The following NRG1 variants were observed in gnomAD, a reference collection of about 807,000 sequenced individuals.
NRG1 encodes neuregulin 1, also known as pro-neuregulin-1, membrane-bound isoform.
In NRG1, 18 loss-of-function variants were observed where a neutral mutation model predicts 63.8. The ratio of observed to expected loss-of-function variants is 0.28; its 90% confidence interval spans 0.19 to 0.42. NRG1 has a LOEUF of 0.42. Among genes scored for constraint, NRG1 ranks in the 10% least tolerant of loss-of-function variants. The pLI is 1.00. For synonymous variants in NRG1, 302 were observed against 301.3 expected, an observed-to-expected ratio of 1.00 and a Z score of -0.02; for missense variants, 762 against 814.7, an observed-to-expected ratio of 0.94 and a Z score of 0.79.
intron 1 of NRG1, among the ~76,000 whole-genome samples, chr8:32,048,163 A>C (rs1821315011): frequency 6.6e-6 from 1 of 151,696 alleles, no homozygotes; most frequent in Admixed American, 6.6e-5. Context: ...ATGGACACTG[A>C]GGTTAATGTC....
chr8:32,741,894 C>T, intron 6 of NRG1, 114 bp from the exon 7 acceptor site: 1 of 724,872 alleles, frequency 1.4e-6, no homozygotes, highest in Non-Finnish European at 2.4e-6. Context: ...CTTTATATTG[C>T]TTGGTACCAG....
chr8:31,852,834 C>G (rs977418750), intron 1 of NRG1, among the ~76,000 whole-genome samples: 8 of 152,144 alleles, frequency 5.3e-5, no homozygotes, highest in Non-Finnish European at 1.2e-4. Context: ...ATATGGCTAG[C>G]CAGTTTTCCC....
At chr8:32,585,287 A>G (rs940071082) in intron 1 of NRG1, among the ~76,000 whole-genome samples, 1 of 152,194 alleles carries the variant, frequency 6.6e-6, no homozygotes, top group Admixed American at 6.5e-5. Flanking sequence ...TCAATTAGGT[A>G]AAACTGTACT....
chr8:32,386,254 A>G (rs1396908184), intron 1 of NRG1, among the ~76,000 whole-genome samples: 1 of 152,212 alleles, frequency 6.6e-6, no homozygotes, highest in Non-Finnish European at 1.5e-5. Context: ...TGCATGTGCC[A>G]CCACATCTGG....
intron 1 of NRG1, among the ~76,000 whole-genome samples, chr8:31,719,540 G>C (rs969764265): frequency 1.7e-4 from 26 of 152,190 alleles, no homozygotes; most frequent in Admixed American, 9.8e-4. Flanking sequence ...GAGCTTTGTT[G>C]GTCAATTCTG....
At chr8:31,932,095 C>G (rs555922467) in intron 1 of NRG1, among the ~76,000 whole-genome samples, 87 of 151,990 alleles carry the variant, frequency 5.7e-4, no homozygotes, top group African/African-American at 2.0e-3. Context: ...AACAGCCCCC[C>G]ACCCACTCAA....
At chr8:31,907,062 G>A (rs1179864270) in intron 1 of NRG1, among the ~76,000 whole-genome samples, 2 of 152,128 alleles carry the variant, frequency 1.3e-5, no homozygotes, top group Non-Finnish European at 2.9e-5. Context: ...TATATGCAAA[G>A]TATTTGCGGT....
intron 1 of NRG1, among the ~76,000 whole-genome samples, chr8:32,419,106 T>G (rs558178742): frequency 6.6e-6 from 1 of 152,214 alleles, no homozygotes; most frequent in Non-Finnish European, 1.5e-5. Flanking sequence ...ACTTGAGAGA[T>G]GGATTTCCTA....
intron 1 of NRG1, among the ~76,000 whole-genome samples, chr8:31,708,856 TA>T (rs1811442535): frequency 1.3e-5 from 2 of 152,300 alleles, no homozygotes; most frequent in South Asian, 4.1e-4. Flanking sequence ...GTTAGAGGGT[TA>T]GGGGCACCAA....
At chr8:31,891,718 A>G (rs1831159307) in intron 1 of NRG1, among the ~76,000 whole-genome samples, 1 of 152,188 alleles carries the variant, frequency 6.6e-6, no homozygotes, top group African/African-American at 2.4e-5. Context: ...TTTATTTGTA[A>G]TAGCTGCAAA....
chr8:31,824,930 C>T (rs1385202342), intron 1 of NRG1, among the ~76,000 whole-genome samples: 2 of 152,110 alleles, frequency 1.3e-5, no homozygotes, highest in African/African-American at 4.8e-5. Context: ...AGAAAAATAA[C>T]CACATAACGG....
intron 5 of NRG1, among the ~76,000 whole-genome samples, chr8:32,620,707 A>T (rs890621363): frequency 6.6e-6 from 1 of 151,980 alleles, no homozygotes; most frequent in Non-Finnish European, 1.5e-5. Flanking sequence ...CTGAAGTCTC[A>T]GCTACTTGGG....
Position 31,681,072 on chromosome 8 carries a change from A to G in NRG1, c.37+41641A>G, listed in dbSNP as rs1808292297. On this transcript the variant is annotated intron_variant, in intron 1 of 10. Coordinates refer to the NRG1 transcript ENST00000519301. ...TCTTTATAAAGACTTGACTCTTAAG[A>G]CAGGTAAATGCAATAAATGCTACAT... Among the ~76,000 whole-genome samples the G allele has an allele frequency of 2.0e-5, 3 of 152,128 alleles. No individual in the cohort carries two copies. The South Asian group carries it at 6.2e-4, about 31-fold the overall frequency.
At chr8:32,020,548 A>G (rs1218357470) in intron 1 of NRG1, among the ~76,000 whole-genome samples, 1 of 152,142 alleles carries the variant, frequency 6.6e-6, no homozygotes, top group Non-Finnish European at 1.5e-5. Flanking sequence ...TCTTGTCCCC[A>G]CCATCAGAAA....
In NRG1 at chr8:32,054,823, A is replaced by AAAAGC. The variant is rs2130843752; in HGVS notation, c.37+415395_37+415399dup. On this transcript the variant is annotated intron_variant, in intron 1 of 10. Coordinates refer to the NRG1 transcript ENST00000519301. Reference sequence around the variant, plus strand: ...CCTAAACTTGGGTGTTTACTGCCTCAAAAGCAAGCATTTCCCTTGAAAAGC... The same window carrying AAAAGC: ...CCTAAACTTGGGTGTTTACTGCCTCAAAAGCAAAGCAAGCATTTCCCTTGAAAAGC... 1.4e-5 allele frequency among the ~76,000 whole-genome samples: 2 copies of AAAAGC among 142,278 alleles called. 1 individual carries two copies. The highest frequency in any genetic ancestry group is 4.6e-4 in the South Asian group (2 of 4,338). The allele number at this position is 142,278 out of a possible 152,430, so 93.3% of individuals were successfully genotyped here.
At chr8:32,227,034 C>G (rs1563927934) in intron 1 of NRG1, among the ~76,000 whole-genome samples, 1 of 152,166 alleles carries the variant, frequency 6.6e-6, no homozygotes, top group Non-Finnish European at 1.5e-5. Context: ...CTGAAACAGG[C>G]AGTGAGTATG....
chr8:31,744,679 G>A (rs190994559), intron 1 of NRG1, among the ~76,000 whole-genome samples: 1 of 151,872 alleles, frequency 6.6e-6, no homozygotes, highest in Non-Finnish European at 1.5e-5. Flanking sequence ...TTGCTAAATC[G>A]GTCCTTGCTC....
intron 1 of NRG1, among the ~76,000 whole-genome samples, chr8:32,523,829 T>A (rs1393383933): frequency 2.0e-5 from 3 of 151,512 alleles, no homozygotes. Flanking sequence ...GGAGACAGAG[T>A]GAGGCTCTGT....
At chr8:32,286,957 A>G (rs1325197162) in intron 1 of NRG1, 1 of 152,742 alleles carries the variant, frequency 6.5e-6, no homozygotes, top group Non-Finnish European at 1.5e-5. Flanking sequence ...AGATTGTGCC[A>G]TTGCACTCCA....
Sources: gnomAD v4.1 joint callset for allele counts (sites outside exome capture counted in the v4.1 genomes callset) on GRCh38, gnomAD v4.1.1 for gene constraint, MANE v1.5 for transcripts, NCBI Gene and HGNC (gene_info 2026-07-23, HGNC 2026-07-21) for gene names.